The following MMP16 variants were observed in gnomAD, a reference collection of about 807,000 sequenced individuals.
MMP16 encodes the protein matrix metallopeptidase 16.
Under a neutral mutation model 67.8 loss-of-function variants are expected in MMP16, and 12 were observed. That is an observed-to-expected ratio of 0.18 (90% CI 0.11 to 0.29). MMP16 has a LOEUF of 0.29. MMP16 is among the 10% of genes least tolerant of loss of function. The pLI is 1.00. For synonymous variants in MMP16, 249 were observed against 255.9 expected (o/e 0.97, Z 0.26); for missense variants, 475 against 765.7 (o/e 0.62, Z 4.48).
At chr8:88,129,279 C>T (rs1807987940) in intron 4 of MMP16, among the ~76,000 whole-genome samples, 1 of 151,730 alleles carries the variant, frequency 6.6e-6, no homozygotes, top group Admixed American at 6.6e-5. Context: ...TTGCTATTTT[C>T]AGTTCATTGC....
chr8:88,260,786 CTCA>C (rs1024407286), intron 1 of MMP16, among the ~76,000 whole-genome samples: 4 of 151,876 alleles, frequency 2.6e-5, no homozygotes, highest in African/African-American at 9.7e-5. Context: ...CTAAAATATC[CTCA>C]TGTTTGATTA....
chr8:88,138,350 A>G (rs1808157190), intron 4 of MMP16, among the ~76,000 whole-genome samples: 2 of 151,960 alleles, frequency 1.3e-5, no homozygotes, highest in Non-Finnish European at 2.9e-5. Flanking sequence ...GCTTCCCTAG[A>G]GTATAGGGCC....
intron 1 of MMP16, among the ~76,000 whole-genome samples, chr8:88,294,754 G>T (rs149279756): frequency 6.6e-6 from 1 of 151,898 alleles, no homozygotes; most frequent in Non-Finnish European, 1.5e-5. Context: ...TCGCTCTGTC[G>T]CCCAGGCTGG....
At chr8:88,166,888 G>A (rs1477404795) in intron 4 of MMP16, among the ~76,000 whole-genome samples, 1 of 151,360 alleles carries the variant, frequency 6.6e-6, no homozygotes, top group African/African-American at 2.4e-5. Context: ...ATTATAGACT[G>A]GAAAGTTAAT....
intron 3 of MMP16, among the ~76,000 whole-genome samples, chr8:88,179,735 A>G (rs988363675): frequency 6.6e-6 from 1 of 152,294 alleles, no homozygotes; most frequent in Admixed American, 6.5e-5. Context: ...GAAGTAGTAT[A>G]ATGTTATGTG....
At chr8:88,253,056 T>C (rs1810250514) in intron 1 of MMP16, among the ~76,000 whole-genome samples, 1 of 152,176 alleles carries the variant, frequency 6.6e-6, no homozygotes, top group African/African-American at 2.4e-5. Context: ...ATTAAAATTC[T>C]ATTTTCTTTT....
At chr8:88,194,346 TC>T (rs1311950500) in intron 2 of MMP16, among the ~76,000 whole-genome samples, 1 of 152,004 alleles carries the variant, frequency 6.6e-6, no homozygotes, top group Non-Finnish European at 1.5e-5. Flanking sequence ...ATAATTTGGA[TC>T]TATAACTATA....
chr8:88,229,692 A>T (rs1809828567), intron 1 of MMP16, among the ~76,000 whole-genome samples: 1 of 146,318 alleles, frequency 6.8e-6, no homozygotes, highest in African/African-American at 2.5e-5. Flanking sequence ...TCACCTAGTG[A>T]TTGTTAGAAA....
intron 1 of MMP16, among the ~76,000 whole-genome samples, chr8:88,290,346 GTCGAGGCCAT>G (rs1409140769): frequency 2.0e-4 from 30 of 152,082 alleles, no homozygotes; most frequent in Admixed American, 3.9e-4. Flanking sequence ...AGATCAGGAG[GTCGAGGCCAT>G]CCTGGCTAAC....
At chr8:88,044,728 G>A (rs187534158) in intron 9 of MMP16, among the ~76,000 whole-genome samples, 23 of 152,264 alleles carry the variant, frequency 1.5e-4, no homozygotes, top group Non-Finnish European at 2.8e-4. Context: ...TCCACAGCTG[G>A]TACTATTATA....
At chr8:88,050,959 C>A (rs190671134) in intron 8 of MMP16, among the ~76,000 whole-genome samples, 2 of 152,070 alleles carry the variant, frequency 1.3e-5, no homozygotes, top group Non-Finnish European at 2.9e-5. Context: ...GAACATAATT[C>A]GGGTATGAAT....
intron 6 of MMP16, among the ~76,000 whole-genome samples, chr8:88,106,370 T>C (rs1187361022): frequency 3.3e-5 from 5 of 151,294 alleles, no homozygotes; most frequent in South Asian, 4.2e-4. Context: ...AATAGCAACA[T>C]TGTATTACAT....
intron 4 of MMP16, among the ~76,000 whole-genome samples, chr8:88,131,585 A>C (rs1221474448): frequency 6.6e-6 from 1 of 151,796 alleles, no homozygotes; most frequent in Non-Finnish European, 1.5e-5. Context: ...ATATTAATGG[A>C]GTGTTAACAA....
intron 1 of MMP16, 61 bp downstream of exon 1, chr8:88,327,014 G>A: frequency 6.2e-7 from 1 of 1,605,386 alleles, no homozygotes; most frequent in South Asian, 1.1e-5. Context: ...CAGGAGTGAA[G>A]GAAATGTTTC....
chr8:88,062,491 G>C (rs548364783), intron 7 of MMP16, among the ~76,000 whole-genome samples: 1 of 152,122 alleles, frequency 6.6e-6, no homozygotes, highest in Non-Finnish European at 1.5e-5. Flanking sequence ...AAAAGGATGA[G>C]TTCATGTCCT....
chr8:88,127,260 G>A (rs572429290), intron 4 of MMP16, among the ~76,000 whole-genome samples: 87 of 151,968 alleles, frequency 5.7e-4, no homozygotes, highest in African/African-American at 1.9e-3. Context: ...TACTATGAAA[G>A]TCTGACATTG....
intron 1 of MMP16, among the ~76,000 whole-genome samples, chr8:88,216,558 C>A (rs1014861638): frequency 6.6e-6 from 1 of 151,990 alleles, no homozygotes; most frequent in Non-Finnish European, 1.5e-5. Flanking sequence ...CCTGTCGATG[C>A]CATGCTAGTT....
intron 3 of MMP16, among the ~76,000 whole-genome samples, chr8:88,180,175 G>C (rs555538588): frequency 2.0e-5 from 3 of 152,134 alleles, no homozygotes; most frequent in African/African-American, 7.2e-5. Flanking sequence ...CAGCTACTCG[G>C]GAGGCTGAGG....
At chr8:88,242,720 A>G (rs1475786886) in intron 1 of MMP16, among the ~76,000 whole-genome samples, 1 of 152,216 alleles carries the variant, frequency 6.6e-6, no homozygotes, top group Non-Finnish European at 1.5e-5. Context: ...TATTAAGTGT[A>G]GCAGAACTCT....
Sources: gnomAD v4.1 joint callset for allele counts (sites outside exome capture counted in the v4.1 genomes callset) on GRCh38, gnomAD v4.1.1 for gene constraint, MANE v1.5 for transcripts, NCBI Gene and HGNC (gene_info 2026-07-23, HGNC 2026-07-21) for gene names.